SLC35F3: variants seen among roughly 807,000 people sequenced by gnomAD.
SLC35F3 encodes solute carrier family 35 member F3.
SLC35F3 carries 25 observed loss-of-function variants against 49.9 expected under a neutral mutation model. That is an observed-to-expected ratio of 0.50 (90% CI 0.37 to 0.70). The LOEUF (loss-of-function observed/expected upper bound fraction) is 0.70, where lower values mean the gene tolerates loss of function less well. SLC35F3 is among the 30% of genes least tolerant of loss of function. The pLI is 0.00. For synonymous variants in SLC35F3, 275 were observed against 265.4 expected (o/e 1.04, Z -0.35); for missense variants, 525 against 639.8 (o/e 0.82, Z 1.94).
intron 2 of SLC35F3, among the ~76,000 whole-genome samples, chr1:234,068,823 T>TTTTATATATATATA (rs1553302354): frequency 1.4e-5 from 1 of 71,184 alleles, no homozygotes; most frequent in Non-Finnish European, 2.5e-5. Flanking sequence ...ATTTGAGACA[T>TTTTATATATATATA]TATATATATA....
intron 3 of SLC35F3, among the ~76,000 whole-genome samples, chr1:234,281,647 T>C (rs991584116): frequency 6.6e-6 from 1 of 152,198 alleles, no homozygotes; most frequent in Non-Finnish European, 1.5e-5. Flanking sequence ...GGGATAAATC[T>C]ATGCAAACAA....
At chr1:234,245,292 C>T (rs1054093116) in intron 3 of SLC35F3, among the ~76,000 whole-genome samples, 1 of 152,228 alleles carries the variant, frequency 6.6e-6, no homozygotes, top group Admixed American at 6.5e-5. Flanking sequence ...CTGCAAATGA[C>T]ATGATTTCAT....
rs542146732 is a variant in SLC35F3, at chr1:234,152,562, C to CT, written c.284-78849dup. 4.6e-5 allele frequency among the ~76,000 whole-genome samples: 7 copies of CT among 152,176 alleles called. No homozygotes were observed. The South Asian group carries it at 1.5e-3, about 32-fold the overall frequency. On this transcript the variant is annotated intron_variant, in intron 2 of 7. Coordinates refer to ENST00000366618, the MANE Select transcript of SLC35F3 (RefSeq NM_173508.4). ...TCCCTGCAAAGGACATGAACTCATC[C>CT]TTTTTTATGATTGCATAGTATTCCG...
At chr1:234,318,013 T>A (rs994704215) in intron 5 of SLC35F3, among the ~76,000 whole-genome samples, 1 of 152,192 alleles carries the variant, frequency 6.6e-6, no homozygotes, top group African/African-American at 2.4e-5. Context: ...TTTCAGGAAA[T>A]ACATGAATGA....
chr1:234,247,389 AGGTGGGTTGGTTGGCTGGTCCATTGTTT>A (rs1558272476), intron 3 of SLC35F3, among the ~76,000 whole-genome samples: 3 of 142,036 alleles, frequency 2.1e-5, no homozygotes, highest in Non-Finnish European at 4.6e-5. Context: ...GTCCATTTTT[AGGTGGGTTGGTTGGCTGGTCCATTGTTT>A]GGTGGGTTGG....
At chr1:234,245,036 C>T (rs1667610656) in intron 3 of SLC35F3, among the ~76,000 whole-genome samples, 1 of 152,098 alleles carries the variant, frequency 6.6e-6, no homozygotes, top group Admixed American at 6.5e-5. Context: ...CATCGTCACC[C>T]TAGTCTTTTT....
In SLC35F3 at chr1:234,214,262, G is replaced by A; in HGVS notation, c.284-17155G>A. On this transcript the variant is annotated intron_variant, in intron 2 of 7. Transcript: ENST00000366618. This position sits in a 1 kb window ranked among gnomAD's most constrained non-coding sequence, Gnocchi z 8.0. ...CAAGTAGGAGGCTGTGCGCGCGTGTGTGTGGAGTGGCTGCGCGGCCGGGGA... is the reference window on the plus strand; with the variant it reads ...CAAGTAGGAGGCTGTGCGCGCGTGTATGTGGAGTGGCTGCGCGGCCGGGGA... The A allele has an allele frequency of 7.9e-7, 1 of 1,265,468 alleles. No individual in the cohort carries two copies. The highest frequency in any genetic ancestry group is 9.9e-7 in the Non-Finnish European group (1 of 1,008,476). The allele number at this position is 1,265,468 out of a possible 1,614,324, so 78.4% of individuals were successfully genotyped here. A position where few individuals can be genotyped will look rare whatever the true frequency, so the allele number is the denominator to read the frequency against.
At chr1:233,987,385 T>C (rs948968153) in intron 2 of SLC35F3, among the ~76,000 whole-genome samples, 5 of 152,318 alleles carry the variant, frequency 3.3e-5, no homozygotes, top group African/African-American at 1.2e-4. Context: ...GATTGAGATT[T>C]ACTGAGTATG....
At chr1:234,256,188 A>G (rs2102965909) in intron 3 of SLC35F3, among the ~76,000 whole-genome samples, 1 of 152,376 alleles carries the variant, frequency 6.6e-6, no homozygotes, top group East Asian at 1.9e-4. Context: ...AAAATGGTGA[A>G]AAGCATTTTC....
intron 3 of SLC35F3, among the ~76,000 whole-genome samples, chr1:234,294,215 C>A (rs774083217): frequency 4.3e-4 from 65 of 152,166 alleles, no homozygotes; most frequent in Non-Finnish European, 8.5e-4. Flanking sequence ...CTGCAACACC[C>A]AGGGAGGCAG....
chr1:234,121,297 C>T (rs1320831333), intron 2 of SLC35F3, among the ~76,000 whole-genome samples: 7 of 151,670 alleles, frequency 4.6e-5, no homozygotes, highest in Non-Finnish European at 7.4e-5. Context: ...CCACCACACC[C>T]GGCTAATTTT....
intron 2 of SLC35F3, among the ~76,000 whole-genome samples, chr1:234,050,597 C>T (rs1664361768): frequency 6.6e-6 from 1 of 152,196 alleles, no homozygotes; most frequent in African/African-American, 2.4e-5. Context: ...TGCCTGTTCA[C>T]TCTGATGGTA....
intron 2 of SLC35F3, among the ~76,000 whole-genome samples, chr1:234,042,905 C>T (rs898356309): frequency 4.6e-5 from 7 of 152,188 alleles, no homozygotes; most frequent in African/African-American, 1.7e-4. Flanking sequence ...CCTCTAGTCT[C>T]ACACCCCATT....
At chr1:233,926,155 A>G (rs1571982459) in intron 2 of SLC35F3, among the ~76,000 whole-genome samples, 1 of 151,874 alleles carries the variant, frequency 6.6e-6, no homozygotes, top group South Asian at 2.1e-4. Flanking sequence ...CATTCTCTGT[A>G]TTTCCTGAAT....
intron 2 of SLC35F3, among the ~76,000 whole-genome samples, chr1:234,056,432 T>G (rs137907470): frequency 6.6e-6 from 1 of 152,332 alleles, no homozygotes; most frequent in East Asian, 1.9e-4. Flanking sequence ...TGTATATTAG[T>G]ACATGGTATC....
At chr1:234,188,600 T>A (rs1297200732) in intron 2 of SLC35F3, among the ~76,000 whole-genome samples, 1 of 151,998 alleles carries the variant, frequency 6.6e-6, no homozygotes, top group Non-Finnish European at 1.5e-5. Context: ...CACCTGATGG[T>A]CCTTCCCTAC....
intron 2 of SLC35F3, among the ~76,000 whole-genome samples, chr1:233,939,399 G>GAGCCC (rs1662386511): frequency 6.6e-6 from 1 of 152,170 alleles, no homozygotes; most frequent in Non-Finnish European, 1.5e-5. Context: ...AGGCTGCAGT[G>GAGCCC]AGCTGCAATG....
Position 234,106,704 on chromosome 1 carries a change from A to G in SLC35F3, c.284-124713A>G, listed in dbSNP as rs1313536159. Among the ~76,000 whole-genome samples, 4 of 152,172 alleles carry G rather than the reference A, an allele frequency of 2.6e-5. No homozygotes were observed. The East Asian group carries it at 5.8e-4, about 22-fold the overall frequency. On this transcript the variant is annotated intron_variant, in intron 2 of 7. Transcript: ENST00000366618. ...TGAGGGTTAAGGCTTCAATATATGA[A>G]TTGTGGGGAGGGAGAGACAATTCAG... is the stretch of plus-strand genomic sequence containing the variant.
At chr1:234,105,610 TC>T (rs1474976191) in intron 2 of SLC35F3, among the ~76,000 whole-genome samples, 7 of 152,148 alleles carry the variant, frequency 4.6e-5, no homozygotes, top group Non-Finnish European at 8.8e-5. Context: ...TAGGCACCAC[TC>T]AGAGACTCTT....
Sources: allele counts gnomAD v4.1 joint callset (sites outside exome capture counted in the v4.1 genomes callset), GRCh38; gene constraint gnomAD v4.1.1; non-coding constraint Gnocchi (gnomAD v3.1); transcripts MANE v1.5; gene names NCBI Gene and HGNC (gene_info 2026-07-23, HGNC 2026-07-21).